MRO: variants seen among roughly 807,000 people sequenced by gnomAD.
The protein encoded by MRO is protein maestro.
In MRO, 28 loss-of-function variants were observed where a neutral mutation model predicts 31.0. The ratio of observed to expected loss-of-function variants is 0.90; its 90% CI spans 0.67 to 1.24. The LOEUF (loss-of-function observed/expected upper bound fraction) is 1.24, where lower values mean the gene tolerates loss of function less well. Ranked by LOEUF, MRO falls within the 50% of genes most tolerant of loss-of-function variation. MRO has a pLI of 0.00. For missense variants in MRO, 332 were observed against 289.2 expected, an observed-to-expected ratio of 1.15 and a Z score of -1.07; for synonymous variants, 108 against 108.4, an observed-to-expected ratio of 1.00 and a Z score of 0.02.
intron 2 of MRO, among the ~76,000 whole-genome samples, chr18:50,811,713 C>T (rs9963629): frequency 0.22 from 32,693 of 147,748 alleles, 3,715 homozygotes; most frequent in African/African-American, 0.25. Flanking sequence ...GGGCATATAC[C>T]TAGGAGTAGA....
intron 2 of MRO, among the ~76,000 whole-genome samples, chr18:50,819,250 A>G (rs1915177510): frequency 6.6e-6 from 1 of 152,156 alleles, no homozygotes; most frequent in Non-Finnish European, 1.5e-5. Context: ...TGTGAGCTGA[A>G]CGAGGGAAGA....
intron 2 of MRO, among the ~76,000 whole-genome samples, chr18:50,818,490 C>T (rs1395974147): frequency 6.6e-6 from 1 of 152,180 alleles, no homozygotes; most frequent in Non-Finnish European, 1.5e-5. Flanking sequence ...CCAGGTTGTG[C>T]TCTACCTGAT....
intron 6 of MRO, 103 bp downstream of exon 6, chr18:50,801,246 A>T: frequency 1.0e-6 from 1 of 987,796 alleles, no homozygotes; most frequent in Non-Finnish European, 1.5e-6. Flanking sequence ...AAGTATCTAC[A>T]GCAGTGCTGG....
In MRO at chr18:50,806,686, C is replaced by T. The variant is rs1248020934; in HGVS notation, c.246+18G>A. 6.2e-7 allele frequency: 1 copy of T among 1,613,890 alleles called. No individual in the cohort carries two copies. The highest frequency in any genetic ancestry group is 1.7e-4 in the Middle Eastern group (1 of 6,054). On this transcript the variant is annotated intron_variant, in intron 4 of 7. Transcript: ENST00000398439. ...GAGAGGCTTGGGGAGCTGGCTGAGCCCCACTCTCCTTCCCTACCTTGTCAG... is the reference window on the plus strand; with the variant it reads ...GAGAGGCTTGGGGAGCTGGCTGAGCTCCACTCTCCTTCCCTACCTTGTCAG...
chr18:50,811,023 G>C (rs919056252), intron 2 of MRO, among the ~76,000 whole-genome samples: 3 of 152,180 alleles, frequency 2.0e-5, no homozygotes, highest in African/African-American at 7.2e-5. Flanking sequence ...CTTGGAAGCA[G>C]AGGCAGAGCG....
At chr18:50,818,101 T>C (rs1915091079) in intron 2 of MRO, among the ~76,000 whole-genome samples, 1 of 151,760 alleles carries the variant, frequency 6.6e-6, no homozygotes, top group East Asian at 1.9e-4. Flanking sequence ...TTCTCATCTG[T>C]TGCAACACAG....
Position 50,809,403 on chromosome 18 carries a change from A to G in MRO, c.-3T>C, listed in dbSNP as rs79313911. The G allele has an allele frequency of 0.077, 123,265 of 1,607,956 alleles. 5,164 individuals carry two copies. The highest frequency in any genetic ancestry group is 0.1 in the Middle Eastern group (620 of 6,048). On this transcript the variant is annotated splice_region_variant and 5_prime_UTR_variant, in exon 3 of 8. Transcript: ENST00000398439. ...ATTCTCCTCTGTCTTTGGTCCATGG[A>G]ACTAAAAACAAAACAAAACAAAATC...
At chr18:50,813,240 C>G (rs1408063466) in intron 2 of MRO, among the ~76,000 whole-genome samples, 4 of 152,170 alleles carry the variant, frequency 2.6e-5, no homozygotes, top group East Asian at 3.8e-4. Flanking sequence ...CTTCCAGGAC[C>G]TATATCTCCT....
chr18:50,819,518 AC>A, intron 2 of MRO, 62 bp downstream of exon 2: 1 of 1,539,588 alleles, frequency 6.5e-7, no homozygotes, highest in Non-Finnish European at 8.8e-7. Context: ...GGTTTTGGGA[AC>A]CCAAGTGCAG....
chr18:50,814,935 C>T (rs1914778717), intron 2 of MRO, among the ~76,000 whole-genome samples: 1 of 152,126 alleles, frequency 6.6e-6, no homozygotes, highest in Admixed American at 6.5e-5. Flanking sequence ...GTGGCACGTG[C>T]CTGTAATCCC....
rs1204030687 is a variant in MRO, at chr18:50,798,072, C to T, written c.*1265G>A. On this transcript the variant is annotated 3_prime_UTR_variant, in exon 8 of 8. Transcript: ENST00000398439. Reference sequence around the variant, plus strand: ...TATAATCCCCCGTGTTTTAAATTGTCTTGAACAAAACGCTCCGGGTGTGGC... The same window carrying T: ...TATAATCCCCCGTGTTTTAAATTGTTTTGAACAAAACGCTCCGGGTGTGGC... 1 of 152,152 alleles carries T rather than the reference C, an allele frequency of 6.6e-6. No individual in the cohort carries two copies. Among genetic ancestry groups the T allele is most frequent in the Non-Finnish European group, 1.5e-5 (1 of 68,036 alleles). 9.4% of individuals were successfully genotyped at this position (152,152 alleles called of 1,614,324 possible). A position where few individuals can be genotyped will look rare whatever the true frequency, so the allele number is the denominator to read the frequency against.
At chr18:50,811,846 A>T (rs1266511516) in intron 2 of MRO, among the ~76,000 whole-genome samples, 1 of 134,578 alleles carries the variant, frequency 7.4e-6, no homozygotes, top group African/African-American at 2.8e-5. Context: ...GGTTCAAGGG[A>T]TTCTCTTGCC....
intron 2 of MRO, among the ~76,000 whole-genome samples, chr18:50,810,881 G>A (rs528549788): frequency 3.0e-4 from 45 of 152,196 alleles, no homozygotes; most frequent in Non-Finnish European, 6.3e-4. Flanking sequence ...AAGTTCTAGG[G>A]TACATGCGCA....
At chr18:50,809,117 C>G (rs1914210837) in intron 3 of MRO, among the ~76,000 whole-genome samples, 185 bp downstream of exon 3, 1 of 138,346 alleles carries the variant, frequency 7.2e-6, no homozygotes, top group Non-Finnish European at 1.5e-5. Context: ...CGCAGTCCAG[C>G]CTGGGCGACA....
chr18:50,803,647 C>G (rs116443732), intron 5 of MRO, among the ~76,000 whole-genome samples: 1 of 152,218 alleles, frequency 6.6e-6, no homozygotes, highest in Non-Finnish European at 1.5e-5. Context: ...CGCTCCCTCC[C>G]CAGAGAGGAC....
In MRO at chr18:50,806,704, C is replaced by T. The variant is rs1465239710; in HGVS notation, c.246G>A (p.Lys82=). Residue 82 remains lysine (K), a splice_region_variant and synonymous_variant, in exon 4 of 8, where the codon AAG becomes AAA. Transcript: ENST00000398439. ...LGTMAYEAPD[K]VRKYKKIVLD... is the part of the protein sequence containing the mutation. ...GCTGAGCCCCACTCTCCTTCCCTAC[C>T]TTGTCAGGGGCTTCATAGGCCATGG... is the stretch of plus-strand genomic sequence containing the variant. 1.2e-6 allele frequency: 2 copies of T among 1,614,024 alleles called. No homozygotes were observed. The highest frequency in any genetic ancestry group is 1.7e-5 in the Admixed American group (1 of 60,008).
intron 5 of MRO, among the ~76,000 whole-genome samples, chr18:50,803,021 A>C (rs1913544376): frequency 6.6e-6 from 1 of 152,026 alleles, no homozygotes; most frequent in South Asian, 2.1e-4. Flanking sequence ...CGTAAGACAG[A>C]TGCTCGCCCC....
Position 50,805,350 on chromosome 18 carries a change from T to C in MRO, c.247-14A>G, listed in dbSNP as rs989698852. ...ATACTTTCTCACCTGTCACCAAGGT[T>C]TGAAAAGCAGTAATAGCACAGGAAC... On this transcript the variant is annotated splice_polypyrimidine_tract_variant and intron_variant, in intron 4 of 7. Transcript: ENST00000398439. 2 of 1,612,108 alleles carry C rather than the reference T, an allele frequency of 1.2e-6. No homozygotes were observed. Among genetic ancestry groups the C allele is most frequent in the Non-Finnish European group, 1.7e-6 (2 of 1,178,808 alleles).
intron 2 of MRO, among the ~76,000 whole-genome samples, chr18:50,812,784 C>A (rs1184622770): frequency 6.6e-6 from 1 of 152,094 alleles, no homozygotes; most frequent in African/African-American, 2.4e-5. Context: ...AGGCAAGCAG[C>A]TGCAGCCATT....
Sources: gnomAD v4.1 joint callset for allele counts (sites outside exome capture counted in the v4.1 genomes callset) on GRCh38, gnomAD v4.1.1 for gene constraint, MANE v1.5 for transcripts, NCBI Gene and HGNC (gene_info 2026-07-23, HGNC 2026-07-21) for gene names.